Variants in EIF3H observed in about 807,000 individuals in gnomAD.
The protein encoded by EIF3H is eIF-3-gamma.
Under a neutral mutation model 44.2 loss-of-function variants are expected in EIF3H, and 26 were observed. That is an observed-to-expected ratio of 0.59 (90% confidence interval 0.43 to 0.82). The LOEUF (loss-of-function observed/expected upper bound fraction) is 0.82. Ranked by LOEUF, EIF3H falls within the 40% of genes least tolerant of loss-of-function variation. EIF3H has a pLI of 0.00. For missense variants in EIF3H, 359 were observed against 432.8 expected, an observed-to-expected ratio of 0.83 and a Z score of 1.51; for synonymous variants, 166 against 151.9, an observed-to-expected ratio of 1.09 and a Z score of -0.68.
intron 2 of EIF3H, among the ~76,000 whole-genome samples, chr8:116,720,302 T>C (rs1487781359): frequency 6.6e-6 from 1 of 152,240 alleles, no homozygotes; most frequent in Non-Finnish European, 1.5e-5. Context: ...TAAATTTAAA[T>C]TTTTACATTG....
At chr8:116,667,330 T>C (rs557329753) in intron 2 of EIF3H, among the ~76,000 whole-genome samples, 89 of 152,264 alleles carry the variant, frequency 5.8e-4, no homozygotes, top group African/African-American at 2.1e-3. Flanking sequence ...TGAAAACTAT[T>C]TTAAGAAGAC....
rs549767406 is a variant in EIF3H at position 116,754,120 on chromosome 8, C to CT, written c.132+1545dup. Among the ~76,000 whole-genome samples the CT allele has an allele frequency of 1.5e-3, 221 of 145,218 alleles. 2 individuals carry two copies. The highest frequency in any genetic ancestry group is 0.013 in the South Asian group (57 of 4,522). ...CACAGGCCAGATAGTACTCCATTTT[C>CT]TTTTTTTTTTTTGGACGGAGGCTCG... On this transcript the variant is annotated intron_variant, in intron 1 of 7. Coordinates refer to ENST00000521861, the MANE Select transcript of EIF3H (RefSeq NM_003756.3).
At chr8:116,708,563 G>A (rs780581888) in intron 2 of EIF3H, among the ~76,000 whole-genome samples, 2 of 151,894 alleles carry the variant, frequency 1.3e-5, no homozygotes, top group Non-Finnish European at 2.9e-5. Context: ...CAAGTTCAAA[G>A]GCCAAGTGAG....
intron 2 of EIF3H, among the ~76,000 whole-genome samples, chr8:116,724,460 C>A (rs1240456209): frequency 6.6e-6 from 1 of 151,976 alleles, no homozygotes; most frequent in Non-Finnish European, 1.5e-5. Context: ...GGGAGTATAT[C>A]AAATGTAAAA....
chr8:116,695,998 T>C (rs1260735936), intron 2 of EIF3H, among the ~76,000 whole-genome samples: 2 of 152,192 alleles, frequency 1.3e-5, no homozygotes, highest in Admixed American at 1.3e-4. Context: ...GAAATACAGA[T>C]GTAAATGTGT....
intron 1 of EIF3H, among the ~76,000 whole-genome samples, chr8:116,752,724 GAAAGAA>G (rs1815368862): frequency 3.3e-5 from 4 of 120,384 alleles, no homozygotes; most frequent in Admixed American, 9.3e-5. Context: ...AAGAAAGAAA[GAAAGAA>G]AGAAGAGAAA....
intron 1 of EIF3H, among the ~76,000 whole-genome samples, chr8:116,743,224 G>A (rs945155589): frequency 2.6e-5 from 4 of 151,980 alleles, no homozygotes; most frequent in East Asian, 1.9e-4. Context: ...CCAAGGCAGG[G>A]GGATCACCTT....
intron 2 of EIF3H, among the ~76,000 whole-genome samples, chr8:116,664,645 A>C (rs1186745064): frequency 1.3e-5 from 2 of 152,226 alleles, no homozygotes; most frequent in African/African-American, 2.4e-5. Flanking sequence ...GAAAGTAGAA[A>C]AGTAAAAATG....
intron 2 of EIF3H, among the ~76,000 whole-genome samples, chr8:116,678,848 A>C (rs1460913179): frequency 5.0e-3 from 609 of 121,134 alleles, no homozygotes; most frequent in African/African-American, 0.011. Flanking sequence ...AGCCACCCCG[A>C]CCGGGAGGGA....
chr8:116,657,459 C>G, intron 3 of EIF3H, 145 bp from the exon 4 acceptor site: 1 of 639,492 alleles, frequency 1.6e-6, no homozygotes, highest in Non-Finnish European at 2.7e-6. Flanking sequence ...CAACTTGAAG[C>G]AGACTCAAAG....
chr8:116,659,785 C>G (rs1006694317), intron 2 of EIF3H, among the ~76,000 whole-genome samples: 1 of 151,882 alleles, frequency 6.6e-6, no homozygotes, highest in African/African-American at 2.4e-5. Context: ...ATATAATAAA[C>G]GACATTTTAA....
intron 1 of EIF3H, among the ~76,000 whole-genome samples, chr8:116,743,501 TG>T (rs1435594747): frequency 2.0e-5 from 3 of 150,232 alleles, no homozygotes; most frequent in Non-Finnish European, 4.4e-5. Context: ...CCCAGTACTT[TG>T]GGAGGCTGAG....
intron 2 of EIF3H, among the ~76,000 whole-genome samples, chr8:116,699,405 G>A (rs1814330495): frequency 6.6e-6 from 1 of 152,148 alleles, no homozygotes; most frequent in African/African-American, 2.4e-5. Flanking sequence ...TAATCTACAT[G>A]AACACTGATG....
intron 1 of EIF3H, among the ~76,000 whole-genome samples, chr8:116,752,116 A>G (rs1323279455): frequency 6.6e-6 from 1 of 152,220 alleles, no homozygotes; most frequent in Non-Finnish European, 1.5e-5. Context: ...ACACACCAAT[A>G]AGAACCCTCA....
intron 2 of EIF3H, among the ~76,000 whole-genome samples, chr8:116,667,493 C>T (rs993545799): frequency 2.0e-5 from 3 of 146,502 alleles, no homozygotes; most frequent in Admixed American, 6.8e-5. Flanking sequence ...AAGGGGCTAA[C>T]AAAATGAATT....
intron 1 of EIF3H, among the ~76,000 whole-genome samples, chr8:116,745,251 A>C (rs1297540765): frequency 1.3e-5 from 2 of 152,266 alleles, no homozygotes; most frequent in Non-Finnish European, 1.5e-5. Context: ...GGAATCCAAC[A>C]GTAACTATTA....
chr8:116,644,951 C>A lies in EIF3H; in HGVS notation c.*55G>T. On this transcript the variant is annotated 3_prime_UTR_variant, in exon 8 of 8. Transcript: ENST00000521861. ...GCAAATATATTTCTTCCAAGAGTTG[C>A]CCTGGTGTGACTTCAAGAGTTCATG... 7.3e-7 allele frequency: 1 copy of A among 1,365,352 alleles called. No individual in the cohort carries two copies. Among genetic ancestry groups the A allele is most frequent in the Non-Finnish European group, 1.0e-6 (1 of 960,796 alleles). 84.6% of individuals were successfully genotyped at this position (1,365,352 alleles called of 1,614,324 possible).
chr8:116,682,716 T>C (rs182699857), intron 2 of EIF3H, among the ~76,000 whole-genome samples: 1 of 152,348 alleles, frequency 6.6e-6, no homozygotes, highest in Admixed American at 6.5e-5. Context: ...AGTATGTAGC[T>C]ACTTAAGCTG....
intron 1 of EIF3H, 58 bp downstream of exon 1, chr8:116,755,608 G>A (rs1444848713): frequency 1.9e-6 from 3 of 1,606,396 alleles, no homozygotes; most frequent in Non-Finnish European, 2.6e-6. Context: ...ACGTCTGGTG[G>A]GACGGGGCTG....
Sources: allele counts gnomAD v4.1 joint callset (sites outside exome capture counted in the v4.1 genomes callset), GRCh38; gene constraint gnomAD v4.1.1; transcripts MANE v1.5; gene names NCBI Gene and HGNC (gene_info 2026-07-23, HGNC 2026-07-21).